The following RELL1 variants were observed in gnomAD, a reference collection of about 807,000 sequenced individuals.
The protein encoded by RELL1 is RELT like 1.
RELL1 carries 10 observed loss-of-function variants against 23.0 expected under a neutral mutation model. The observed-to-expected ratio is 0.43, with a 90% CI of 0.27 to 0.74. RELL1 has a LOEUF of 0.74. RELL1 is among the 30% of genes least tolerant of loss of function. The pLI, the probability that RELL1 is intolerant of heterozygous loss-of-function variation, is 0.19. For missense variants in RELL1, 315 were observed against 364.4 expected (o/e 0.86, Z 1.10); for synonymous variants, 146 against 146.8 (o/e 0.99, Z 0.04).
chr4:37,647,322 A>C, intron 3 of RELL1, 46 bp downstream of exon 3: 1 of 1,370,860 alleles, frequency 7.3e-7, no homozygotes, highest in South Asian at 1.2e-5. Context: ...GTTTTTAATA[A>C]AGGATAGGAA....
downstream of RELL1, chr4:37,590,614 G>A (rs77826980): frequency 9.3e-4 from 1,498 of 1,614,164 alleles, 4 homozygotes; most frequent in Middle Eastern, 4.0e-3. Context: ...ACCAGCCCCA[G>A]ATTACCTTCA....
At chr4:37,623,715 G>C (rs1451103542) in intron 6 of RELL1, among the ~76,000 whole-genome samples, 3 of 152,098 alleles carry the variant, frequency 2.0e-5, no homozygotes, top group Admixed American at 1.3e-4. Flanking sequence ...AGTACGGCAG[G>C]CATCACGGCA....
intron 1 of RELL1, among the ~76,000 whole-genome samples, chr4:37,654,915 G>A (rs369237607): frequency 2.8e-3 from 422 of 152,136 alleles, no homozygotes; most frequent in Non-Finnish European, 4.8e-3. Flanking sequence ...AAAATGCTAA[G>A]TGATTCTCGG....
downstream of RELL1, chr4:37,589,966 A>G: frequency 5.1e-6 from 4 of 782,978 alleles, no homozygotes; most frequent in Non-Finnish European, 8.6e-6. Context: ...AGACATACTT[A>G]TCTAGGTTGA....
At chr4:37,672,856 A>G (rs1242037483) in intron 1 of RELL1, among the ~76,000 whole-genome samples, 1 of 152,210 alleles carries the variant, frequency 6.6e-6, no homozygotes, top group Non-Finnish European at 1.5e-5. Context: ...GCTGATATGC[A>G]TGGTTTATTT....
intron 1 of RELL1, among the ~76,000 whole-genome samples, chr4:37,655,761 T>C (rs1721094774): frequency 6.6e-6 from 1 of 152,198 alleles, no homozygotes; most frequent in African/African-American, 2.4e-5. Flanking sequence ...GAAATAGGCA[T>C]TGAGCAACTG....
At chr4:37,684,626 T>A (rs536632958) in intron 1 of RELL1, among the ~76,000 whole-genome samples, 1 of 152,212 alleles carries the variant, frequency 6.6e-6, no homozygotes, top group Non-Finnish European at 1.5e-5. Flanking sequence ...ATTATGCACC[T>A]ATGTGTCCCA....
chr4:37,661,432 G>A (rs1721353132), intron 1 of RELL1, among the ~76,000 whole-genome samples: 2 of 152,006 alleles, frequency 1.3e-5, no homozygotes, highest in Admixed American at 1.3e-4. Context: ...GGCGCACGCT[G>A]CCACACCTGG....
At chr4:37,630,280 G>A (rs911341760) in intron 6 of RELL1, among the ~76,000 whole-genome samples, 4 of 151,072 alleles carry the variant, frequency 2.6e-5, no homozygotes, top group African/African-American at 9.8e-5. Context: ...ACTCAAGCCG[G>A]AACAGAAATA....
chr4:37,616,615 A>T (rs747373418), intron 6 of RELL1, among the ~76,000 whole-genome samples: 7 of 152,254 alleles, frequency 4.6e-5, no homozygotes, highest in Admixed American at 2.6e-4. Flanking sequence ...TTCTGATCTC[A>T]TTCTAAGACA....
At chr4:37,633,905 GT>G (rs1400961110) in intron 5 of RELL1, among the ~76,000 whole-genome samples, 1 of 152,150 alleles carries the variant, frequency 6.6e-6, no homozygotes, top group African/African-American at 2.4e-5. Flanking sequence ...ACGAGTTCAG[GT>G]TACTCTTCCC....
chr4:37,686,282 A>G lies in RELL1; in HGVS notation c.6T>C (p.Ala2=). ...CGGCGGACCCCGGGAGTGCCCGCGG[A>G]GCCATCGCCGCGTCGCTTCGCCCTC... M[A]PRALPGSAVL... is the part of the protein sequence containing the mutation. Residue 2 remains alanine (A), a synonymous_variant, in exon 1 of 7, where the codon GCT becomes GCC. Transcript: ENST00000454158. 6.5e-7 allele frequency: 1 copy of G among 1,527,216 alleles called. No individual in the cohort carries two copies. Among genetic ancestry groups the G allele is most frequent in the Non-Finnish European group, 8.7e-7 (1 of 1,144,942 alleles). The allele number at this position is 1,527,216 out of a possible 1,614,324, so 94.6% of individuals were successfully genotyped here.
chr4:37,616,202 C>T (rs770692402), intron 6 of RELL1, among the ~76,000 whole-genome samples: 4 of 152,142 alleles, frequency 2.6e-5, no homozygotes, highest in African/African-American at 4.8e-5. Context: ...TCAATCTTCC[C>T]GATGACTCCA....
At chr4:37,661,002 G>T (rs934802585) in intron 1 of RELL1, among the ~76,000 whole-genome samples, 7 of 151,444 alleles carry the variant, frequency 4.6e-5, no homozygotes, top group Admixed American at 1.3e-4. Flanking sequence ...CTGCACTCCA[G>T]CCTGGGTGAC....
At chr4:37,664,949 T>G (rs1721479536) in intron 1 of RELL1, among the ~76,000 whole-genome samples, 1 of 152,146 alleles carries the variant, frequency 6.6e-6, no homozygotes, top group South Asian at 2.1e-4. Flanking sequence ...CGGAAAACCC[T>G]GACTGAAGTC....
downstream of RELL1, among the ~76,000 whole-genome samples, chr4:37,589,739 C>T (rs915084665): frequency 9.9e-5 from 15 of 152,172 alleles, 1 homozygote; most frequent in Admixed American, 9.2e-4. Context: ...TCAAGCGATT[C>T]TCCTATCTCA....
intron 1 of RELL1, 45 bp downstream of exon 1, chr4:37,686,155 G>A (rs1185640061): frequency 1.3e-6 from 2 of 1,502,328 alleles, no homozygotes; most frequent in Non-Finnish European, 1.8e-6. Flanking sequence ...GCGCTCCCGG[G>A]ACCGGGCTCA....
rs189611794 is a variant in RELL1 at position 37,616,200 on chromosome 4, C to T, written c.*4-2858G>A. 1.7e-3 allele frequency among the ~76,000 whole-genome samples: 264 copies of T among 152,296 alleles called. 2 individuals are homozygous for T. The highest frequency in any genetic ancestry group is 6.0e-3 in the African/African-American group (249 of 41,574). On this transcript the variant is annotated intron_variant, in intron 6 of 6. Coordinates refer to ENST00000454158, the MANE Select transcript of RELL1 (RefSeq NM_001085400.2). ...ACTCTAGGGTCATTAACTCAATCTT[C>T]CCGATGACTCCATAAGTCAATGATT...
At chr4:37,654,241 T>TA (rs1464725930) in intron 1 of RELL1, among the ~76,000 whole-genome samples, 3 of 152,188 alleles carry the variant, frequency 2.0e-5, no homozygotes, top group Non-Finnish European at 4.4e-5. Context: ...TAAATAAAAT[T>TA]AAAAATTCAG....
Sources: gnomAD v4.1 joint callset for allele counts (sites outside exome capture counted in the v4.1 genomes callset) on GRCh38, gnomAD v4.1.1 for gene constraint, MANE v1.5 for transcripts, NCBI Gene and HGNC (gene_info 2026-07-23, HGNC 2026-07-21) for gene names.